The following ZNF790 variants were observed in gnomAD, a reference collection of about 807,000 sequenced individuals.
ZNF790 encodes the protein zinc finger protein 790.
A neutral mutation model predicts 12.1 loss-of-function variants in ZNF790; 8 were observed. That is an observed-to-expected ratio of 0.66 (90% CI 0.39 to 1.19). The LOEUF (loss-of-function observed/expected upper bound fraction) is 1.19, where lower values mean the gene tolerates loss of function less well. Ranked by LOEUF, ZNF790 falls within the 50% of genes most tolerant of loss-of-function variation. ZNF790 has a pLI of 0.01. For synonymous variants in ZNF790, 252 were observed against 244.3 expected, an observed-to-expected ratio of 1.03 and a Z score of -0.29; for missense variants, 707 against 752.2, an observed-to-expected ratio of 0.94 and a Z score of 0.70.
At chr19:36,833,142 T>A (rs1393091972) in intron 1 of ZNF790, among the ~76,000 whole-genome samples, 1 of 152,188 alleles carries the variant, frequency 6.6e-6, no homozygotes, top group Non-Finnish European at 1.5e-5. Context: ...CAATATCTTT[T>A]GTTTGTTGGT....
upstream of ZNF790, among the ~76,000 whole-genome samples, chr19:36,841,207 C>A (rs1419326222): frequency 6.6e-6 from 1 of 152,174 alleles, no homozygotes. Context: ...AAATACACTA[C>A]AAGCACAGGA....
chr19:36,820,105 G>T lies in ZNF790; in HGVS notation c.239C>A (p.Ser80Ter). 2 of 1,600,248 alleles carry T rather than the reference G, an allele frequency of 1.2e-6. No individual in the cohort carries two copies. Among genetic ancestry groups the T allele is most frequent in the South Asian group, 2.2e-5 (2 of 90,922 alleles). Reference protein sequence around the residue: ...ETRGPCPDMQSRCQTKKLLPK... With the variant: ...ETRGPCPDMQ ...TAATAACTTCTTGGTCTGACACCTC[G>T]ACTGCATGTCTGAAAAATAAGAAGG... Residue 80 changes from serine to a stop codon, truncating the protein, a stop_gained, in exon 5 of 5, where the codon TCG becomes TAG. Coordinates refer to ENST00000356725, the MANE Select transcript of ZNF790 (RefSeq NM_206894.4). LOFTEE classifies it low-confidence loss of function (END_TRUNC).
At chr19:36,837,169 A>G (rs1376494796) in intron 1 of ZNF790, among the ~76,000 whole-genome samples, 1 of 152,208 alleles carries the variant, frequency 6.6e-6, no homozygotes, top group Non-Finnish European at 1.5e-5. Flanking sequence ...ATTGTATACC[A>G]TCAAGTCTCA....
At chr19:36,827,185 C>T (rs528017197) in intron 1 of ZNF790, among the ~76,000 whole-genome samples, 49 of 106,446 alleles carry the variant, frequency 4.6e-4, no homozygotes, top group Non-Finnish European at 8.2e-4. Context: ...TATACACTTA[C>T]CAAACTATAA....
upstream of ZNF790, among the ~76,000 whole-genome samples, chr19:36,841,087 C>G (rs921528501): frequency 3.9e-5 from 6 of 152,002 alleles, no homozygotes; most frequent in African/African-American, 1.4e-4. Context: ...GTTTTTCAAC[C>G]AGAGGTGATT....
Position 36,836,834 on chromosome 19 carries a change from T to C in ZNF790, c.-74+1503A>G, listed in dbSNP as rs1295768785. ...AACATCCGGGAAGATTGTGACCCCATAGTTATCAGCCTATGAGGAACCAGG... is the reference window on the plus strand; with the variant it reads ...AACATCCGGGAAGATTGTGACCCCACAGTTATCAGCCTATGAGGAACCAGG... On this transcript the variant is annotated intron_variant, in intron 1 of 4. Transcript: ENST00000356725. 4.6e-5 allele frequency among the ~76,000 whole-genome samples: 7 copies of C among 152,096 alleles called. No homozygotes were observed. The East Asian group carries it at 9.6e-4, about 21-fold the overall frequency.
intron 2 of ZNF790, 78 bp downstream of exon 2, chr19:36,825,533 T>G: frequency 7.0e-7 from 1 of 1,422,506 alleles, no homozygotes; most frequent in Non-Finnish European, 9.9e-7. Flanking sequence ...GTAAGCAGTT[T>G]AAGGATAAGC....
At position 36,819,886 on chromosome 19, in the gene ZNF790, T is replaced by C. The variant is rs778823945; in HGVS notation, c.458A>G (p.Gln153Arg). The C allele has an allele frequency of 6.2e-7, 1 of 1,614,184 alleles. No homozygotes were observed. The highest frequency in any genetic ancestry group is 1.7e-5 in the Admixed American group (1 of 60,024). ...CTGGTGTAGATTAAACACTGTATGC[T>C]GGTTAAAAGTGGGCCTTTTTTCACA... ...RTCEKRPTFNQHTVFNLHQRL... is the reference protein window; with the variant it reads ...RTCEKRPTFNRHTVFNLHQRL... Residue 153 changes from glutamine (Q) to arginine (R), a missense_variant, in exon 5 of 5, where the codon CAG becomes CGG. Coordinates refer to ENST00000356725, the MANE Select transcript of ZNF790 (RefSeq NM_206894.4).
chr19:36,848,848 C>T (rs2072208071), intron 1 of ZNF790, among the ~76,000 whole-genome samples: 2 of 152,066 alleles, frequency 1.3e-5, no homozygotes, highest in Admixed American at 1.3e-4. Context: ...GGCTGGAGTG[C>T]AGTGGTGCGA....
At chr19:36,849,789 A>G (rs1007011341) in intron 1 of ZNF790, among the ~76,000 whole-genome samples, 1 of 151,788 alleles carries the variant, frequency 6.6e-6, no homozygotes, top group Non-Finnish European at 1.5e-5. Context: ...ACAGATCCAT[A>G]CACGATCTTG....
chr19:36,820,247 C>A, intron 4 of ZNF790, 133 bp from the exon 5 acceptor site: 7 of 932,272 alleles, frequency 7.5e-6, no homozygotes, highest in Non-Finnish European at 1.1e-5. Flanking sequence ...CAAATATGAG[C>A]AATATGAAAA....
chr19:36,825,741 G>A, intron 1 of ZNF790, 49 bp from the exon 2 acceptor site: 1 of 1,065,818 alleles, frequency 9.4e-7, no homozygotes, highest in Non-Finnish European at 1.5e-6. Flanking sequence ...GCTCTCAAAG[G>A]GACAAATAGG....
At chr19:36,826,030 A>G (rs1235629097) in intron 1 of ZNF790, among the ~76,000 whole-genome samples, 1 of 152,208 alleles carries the variant, frequency 6.6e-6, no homozygotes, top group Non-Finnish European at 1.5e-5. Context: ...CAAATTCACT[A>G]TTAGGAAATA....
At chr19:36,825,837 G>C in intron 1 of ZNF790, 145 bp from the exon 2 acceptor site, 1 of 613,106 alleles carries the variant, frequency 1.6e-6, no homozygotes, top group Non-Finnish European at 2.9e-6. Context: ...TTCAACAAAA[G>C]CAGGATGAAG....
At chr19:36,850,703 A>G (rs755700482), upstream of ZNF790, 2 of 152,214 alleles carry the variant, frequency 1.3e-5, no homozygotes, top group Non-Finnish European at 2.9e-5. Flanking sequence ...AGCTCACCTC[A>G]AAGAGATAGT....
intron 1 of ZNF790, among the ~76,000 whole-genome samples, chr19:36,833,505 T>C (rs570575559): frequency 6.6e-6 from 1 of 151,364 alleles, no homozygotes; most frequent in Admixed American, 6.5e-5. Context: ...AATGAAATAA[T>C]TTATCACATT....
rs2071585604 is a variant in ZNF790 at position 36,818,214 on chromosome 19, CCT to C, written c.*217_*218del. On this transcript the variant is annotated 3_prime_UTR_variant, in exon 5 of 5. Coordinates refer to ENST00000356725, the MANE Select transcript of ZNF790 (RefSeq NM_206894.4). Reference sequence around the variant, plus strand: ...TTCATGCTATCTCATAAAATTTTACCCTGATATTCTGCAATTGATAACTGATC... The same window carrying C: ...TTCATGCTATCTCATAAAATTTTACCGATATTCTGCAATTGATAACTGATC... The C allele has an allele frequency of 5.7e-6, 2 of 352,596 alleles. No homozygotes were observed. The highest frequency in any genetic ancestry group is 9.0e-5 in the South Asian group (1 of 11,078). The allele number at this position is 352,596 out of a possible 1,614,324, so 21.8% of individuals were successfully genotyped here.
chr19:36,845,276 C>T (rs1317135467), intron 1 of ZNF790, among the ~76,000 whole-genome samples: 3 of 151,600 alleles, frequency 2.0e-5, no homozygotes, highest in Non-Finnish European at 2.9e-5. Context: ...ATTAGCTGGG[C>T]GTGGTGGCGC....
upstream of ZNF790, chr19:36,850,706 GAGAT>G (rs886845552): frequency 3.3e-5 from 5 of 152,264 alleles, no homozygotes; most frequent in African/African-American, 9.6e-5. Flanking sequence ...TCACCTCAAA[GAGAT>G]AGTTTTGTTG....
Sources: gnomAD v4.1 joint callset for allele counts (sites outside exome capture counted in the v4.1 genomes callset) on GRCh38, gnomAD v4.1.1 for gene constraint, MANE v1.5 for transcripts, NCBI Gene and HGNC (gene_info 2026-07-23, HGNC 2026-07-21) for gene names.